The following PYM1 variants were observed in gnomAD, a reference collection of about 807,000 sequenced individuals.
The protein encoded by PYM1 is PYM1 exon junction complex associated factor.
Under a neutral mutation model 20.7 loss-of-function variants are expected in PYM1, and 7 were observed. That is an observed-to-expected ratio of 0.34 (90% CI 0.19 to 0.64). PYM1 has a LOEUF of 0.64. Ranked by LOEUF, PYM1 falls within the 30% of genes least tolerant of loss-of-function variation. The pLI is 0.74. For missense variants in PYM1, 194 were observed against 250.0 expected (o/e 0.78, Z 1.51); for synonymous variants, 100 against 99.2 (o/e 1.01, Z -0.05).
chr12:55,927,068 G>GCACT, intron 1 of PYM1: 7 of 1,498,300 alleles, frequency 4.7e-6, no homozygotes, highest in Non-Finnish European at 6.2e-6. Context: ...CGCGCCTCCC[G>GCACT]CACTCACCGC....
intron 1 of PYM1, among the ~76,000 whole-genome samples, chr12:55,924,854 TTAG>T (rs1481093023): frequency 2.6e-5 from 4 of 152,120 alleles, no homozygotes; most frequent in Non-Finnish European, 5.9e-5. Flanking sequence ...TCAGCTAATT[TTAG>T]TAGTTTTAGT....
intron 1 of PYM1, among the ~76,000 whole-genome samples, chr12:55,922,445 C>CAAAAAAA (rs56355933): frequency 2.3e-5 from 2 of 86,240 alleles, no homozygotes; most frequent in Non-Finnish European, 4.3e-5. Flanking sequence ...CCATCTTTAC[C>CAAAAAAA]AAAAAAAAAA....
chr12:55,916,121 G>C (rs1883002446), intron 1 of PYM1, among the ~76,000 whole-genome samples: 1 of 152,136 alleles, frequency 6.6e-6, no homozygotes, highest in Admixed American at 6.5e-5. Context: ...GATCACCTGA[G>C]GTCAGGAGTT....
At chr12:55,926,999 G>A in intron 1 of PYM1, 1 of 1,416,976 alleles carries the variant, frequency 7.1e-7, no homozygotes, top group African/African-American at 1.4e-5. Flanking sequence ...GGATGGGCGG[G>A]GCACAGACCC....
chr12:55,911,064 A>G (rs2136261845), intron 1 of PYM1, among the ~76,000 whole-genome samples: 1 of 152,234 alleles, frequency 6.6e-6, no homozygotes, highest in South Asian at 2.1e-4. Flanking sequence ...GCATTGGGAG[A>G]GCCTGGAAGA....
chr12:55,906,914 C>G (rs1179800722), intron 1 of PYM1, among the ~76,000 whole-genome samples: 1 of 151,890 alleles, frequency 6.6e-6, no homozygotes, highest in Non-Finnish European at 1.5e-5. Context: ...TCCCAAAGTC[C>G]TGAGATTACA....
intron 1 of PYM1, among the ~76,000 whole-genome samples, chr12:55,907,504 T>C (rs555995480): frequency 2.8e-4 from 41 of 148,008 alleles, no homozygotes; most frequent in South Asian, 1.1e-3. Flanking sequence ...CACGGCGGCA[T>C]GCGCTTGTAA....
rs563391734 is a variant in PYM1 at position 55,902,034 on chromosome 12, G to A, written c.453C>T (p.Ala151=). Reference sequence around the variant, plus strand: ...TCTTCTTTAGGTTCTTTATCTTCTTGGCTTTCTCAGTGGTGGCAGCTGAGT... The same window carrying A: ...TCTTCTTTAGGTTCTTTATCTTCTTAGCTTTCTCAGTGGTGGCAGCTGAGT... The part of the protein sequence containing the change: ...QPDSAATTEK[A]KKIKNLKKKL... The change falls in exon 3 of 3, where the codon GCC becomes GCT. Residue 151 remains alanine (A), a synonymous_variant. Transcript: ENST00000408946. 2.8e-5 allele frequency: 45 copies of A among 1,614,062 alleles called. No homozygotes were observed. In the East Asian group the frequency reaches 6.7e-4, roughly 24 times the overall value.
At position 55,927,746 on chromosome 12, in the gene PYM1, T is replaced by A; in HGVS notation, c.16A>T (p.Ser6Cys). The A allele has an allele frequency of 6.5e-7, 1 of 1,539,674 alleles. No homozygotes were observed. Among genetic ancestry groups the A allele is most frequent in the African/African-American group, 1.4e-5 (1 of 73,102 alleles). ...TCACCTGTCTCCGTAGCCGCAGGGCTGCCGGCAGCTTCCATGGCCGAAGAG... is the reference window on the plus strand; with the variant it reads ...TCACCTGTCTCCGTAGCCGCAGGGCAGCCGGCAGCTTCCATGGCCGAAGAG... MEAAG[S>C]PAATETGKYI... is the part of the protein sequence containing the mutation. Residue 6 changes from serine to cysteine, a missense_variant, in exon 1 of 3, where the codon AGC (serine) becomes TGC (cysteine). Ser to Cys is a moderately radical substitution (Grantham distance 112). Transcript: ENST00000408946.
intron 1 of PYM1, among the ~76,000 whole-genome samples, chr12:55,924,432 C>A (rs561956546): frequency 2.7e-4 from 41 of 151,740 alleles, no homozygotes; most frequent in Non-Finnish European, 5.7e-4. Context: ...CACTTAAGGC[C>A]AGGAGTTCAA....
chr12:55,902,390 A>G lies in PYM1; in HGVS notation c.132-35T>C, dbSNP rs547578398. On this transcript the variant is annotated intron_variant, in intron 2 of 2. Transcript: ENST00000408946. ...ACAAAGGATGTCAAGAGTTTCAGAG[A>G]ATTACTGACTTTTTGATCCCTTTTC... is the stretch of plus-strand genomic sequence containing the variant. The G allele has an allele frequency of 1.5e-4, 228 of 1,568,286 alleles. 1 individual carries two copies. The South Asian group carries it at 2.5e-3, about 17-fold the overall frequency.
chr12:55,905,035 T>G (rs1283158847), intron 1 of PYM1, among the ~76,000 whole-genome samples: 2 of 151,586 alleles, frequency 1.3e-5, no homozygotes, highest in Non-Finnish European at 2.9e-5. Flanking sequence ...AGAGTCTCGC[T>G]CTGTCGCCCA....
At position 55,927,745 on chromosome 12, in the gene PYM1, C is replaced by T; in HGVS notation, c.17G>A (p.Ser6Asn). 1 of 1,539,652 alleles carries T rather than the reference C, an allele frequency of 6.5e-7. No homozygotes were observed. Among genetic ancestry groups the T allele is most frequent in the East Asian group, 2.4e-5 (1 of 40,924 alleles). The change falls in exon 1 of 3, where the codon AGC (serine) becomes AAC (asparagine). Residue 6 changes from serine (S) to asparagine (N), a missense_variant. Ser to Asn is a conservative substitution (Grantham distance 46, BLOSUM62 1). This residue lies in a region of PYM1 where 19 missense variants were observed against 17.8 expected (regional missense o/e 1.07). Coordinates refer to ENST00000408946, the MANE Select transcript of PYM1 (RefSeq NM_032345.3). The part of the protein sequence containing the change: MEAAG[S>N]PAATETGKYI... ...GTCACCTGTCTCCGTAGCCGCAGGG[C>T]TGCCGGCAGCTTCCATGGCCGAAGA...
intron 1 of PYM1, among the ~76,000 whole-genome samples, chr12:55,915,926 T>C (rs1441775602): frequency 6.6e-6 from 1 of 152,204 alleles, no homozygotes; most frequent in Admixed American, 6.6e-5. Flanking sequence ...GTAAAGAGTA[T>C]TTATTAATAA....
intron 1 of PYM1, among the ~76,000 whole-genome samples, chr12:55,909,384 CA>C (rs62917761): frequency 0.041 from 6,204 of 152,202 alleles, 421 homozygotes; most frequent in African/African-American, 0.14. Flanking sequence ...GAGCCAGAGA[CA>C]AGGGCTGGAA....
chr12:55,920,285 T>C (rs1427501023), intron 1 of PYM1, among the ~76,000 whole-genome samples: 2 of 151,972 alleles, frequency 1.3e-5, no homozygotes, highest in Non-Finnish European at 2.9e-5. Flanking sequence ...AGAGGATCAC[T>C]TGAACCCAGG....
intron 1 of PYM1, among the ~76,000 whole-genome samples, chr12:55,925,607 G>A (rs1471352338): frequency 6.6e-6 from 1 of 152,180 alleles, no homozygotes; most frequent in East Asian, 1.9e-4. Context: ...TGACACTAAA[G>A]TTTTACAGAA....
intron 1 of PYM1, among the ~76,000 whole-genome samples, chr12:55,913,311 A>G (rs1456034716): frequency 6.6e-6 from 1 of 152,228 alleles, no homozygotes; most frequent in Non-Finnish European, 1.5e-5. Context: ...AGAAGACAGT[A>G]AATATGGACT....
At chr12:55,904,375 C>T (rs984593572) in intron 1 of PYM1, among the ~76,000 whole-genome samples, 2 of 150,830 alleles carry the variant, frequency 1.3e-5, no homozygotes, top group Admixed American at 6.6e-5. Context: ...GGTTGAATCA[C>T]GAGGTCAGGA....
Sources: allele counts gnomAD v4.1 joint callset (sites outside exome capture counted in the v4.1 genomes callset), GRCh38; gene constraint gnomAD v4.1.1; regional missense constraint gnomAD v4.1.1; transcripts MANE v1.5; gene names NCBI Gene and HGNC (gene_info 2026-07-23, HGNC 2026-07-21).